Variants in CNTNAP2 observed in about 807,000 individuals in gnomAD.
CNTNAP2 encodes the protein contactin-associated protein-like 2.
CNTNAP2 carries 98 observed loss-of-function variants against 155.2 expected under a neutral mutation model. The ratio of observed to expected loss-of-function variants is 0.63; its 90% CI spans 0.54 to 0.75. The LOEUF (loss-of-function observed/expected upper bound fraction) is 0.75. Ranked by LOEUF, CNTNAP2 falls within the 30% of genes least tolerant of loss-of-function variation. The probability of loss-of-function intolerance (pLI) is 0.00; values close to 1 mark genes in which losing one functional copy is unlikely to be tolerated. For missense variants in CNTNAP2, 1,727 were observed against 1,688.1 expected, an observed-to-expected ratio of 1.02 and a Z score of -0.40; for synonymous variants, 651 against 631.2, an observed-to-expected ratio of 1.03 and a Z score of -0.47.
At chr7:146,513,493 T>C (rs1044177902) in intron 1 of CNTNAP2, among the ~76,000 whole-genome samples, 1 of 151,878 alleles carries the variant, frequency 6.6e-6, no homozygotes, top group African/African-American at 2.4e-5. Flanking sequence ...AAAAATCTTA[T>C]AGCTATATAA....
intron 10 of CNTNAP2, among the ~76,000 whole-genome samples, chr7:147,426,624 A>G (rs1164466530): frequency 6.6e-6 from 1 of 152,188 alleles, no homozygotes; most frequent in African/African-American, 2.4e-5. Flanking sequence ...AATATGTTAA[A>G]AAGTGATGGC....
intron 1 of CNTNAP2, among the ~76,000 whole-genome samples, chr7:146,720,546 A>G (rs1801268336): frequency 6.6e-6 from 1 of 152,094 alleles, no homozygotes; most frequent in Non-Finnish European, 1.5e-5. Flanking sequence ...CATTTTTATT[A>G]AAGAATTATC....
chr7:148,099,460 T>TGTGTGTGTGTGTGTGTG (rs58206492), intron 15 of CNTNAP2, among the ~76,000 whole-genome samples: 4 of 147,876 alleles, frequency 2.7e-5, no homozygotes, highest in African/African-American at 1.0e-4. Flanking sequence ...TGTGTGTGTG[T>TGTGTGTGTGTGTGTGTG]TGGATATGGG....
chr7:146,914,920 A>G (rs1045787732), intron 3 of CNTNAP2, among the ~76,000 whole-genome samples: 5 of 151,976 alleles, frequency 3.3e-5, no homozygotes. Flanking sequence ...GGTTTTCCCA[A>G]TGTTATCTTC....
At chr7:148,059,764 A>ATT (rs1305247777) in intron 15 of CNTNAP2, among the ~76,000 whole-genome samples, 1 of 148,924 alleles carries the variant, frequency 6.7e-6, no homozygotes, top group African/African-American at 2.4e-5. Flanking sequence ...TTATATTTAA[A>ATT]TTATATATAT....
chr7:146,253,686 G>T (rs566680002), intron 1 of CNTNAP2, among the ~76,000 whole-genome samples: 15 of 152,078 alleles, frequency 9.9e-5, no homozygotes, highest in Non-Finnish European at 1.3e-4. Flanking sequence ...CAGATATAAT[G>T]GCCAATAGCA....
intron 3 of CNTNAP2, among the ~76,000 whole-genome samples, chr7:146,918,630 A>G (rs916392744): frequency 6.6e-6 from 1 of 152,216 alleles, no homozygotes; most frequent in South Asian, 2.1e-4. Flanking sequence ...TTTATCTTGA[A>G]TTTAGATAAC....
At chr7:147,908,439 G>A (rs1265163052) in intron 14 of CNTNAP2, among the ~76,000 whole-genome samples, 1 of 152,190 alleles carries the variant, frequency 6.6e-6, no homozygotes, top group Non-Finnish European at 1.5e-5. Flanking sequence ...TGGGGCACCA[G>A]GCAGTCTGGG....
intron 1 of CNTNAP2, among the ~76,000 whole-genome samples, chr7:146,541,192 C>A (rs892195613): frequency 6.6e-6 from 1 of 151,942 alleles, no homozygotes; most frequent in Non-Finnish European, 1.5e-5. Flanking sequence ...GAGAGTGAAA[C>A]AATTGATCCA....
intron 15 of CNTNAP2, among the ~76,000 whole-genome samples, chr7:148,042,282 C>T (rs1802692776): frequency 6.6e-6 from 1 of 152,190 alleles, no homozygotes; most frequent in African/African-American, 2.4e-5. Context: ...ATCTTGCAAA[C>T]CCAAACTCTA....
chr7:146,729,553 G>A (rs1801488352), intron 1 of CNTNAP2, among the ~76,000 whole-genome samples: 1 of 151,748 alleles, frequency 6.6e-6, no homozygotes, highest in African/African-American at 2.4e-5. Context: ...TAGTATAGAT[G>A]AGTAATTTTA....
At chr7:146,502,295 A>ACATTTAG (rs1296964376) in intron 1 of CNTNAP2, among the ~76,000 whole-genome samples, 2 of 139,058 alleles carry the variant, frequency 1.4e-5, no homozygotes, top group Non-Finnish European at 3.1e-5. Flanking sequence ...CTGTTGGTGT[A>ACATTTAG]CATTTAGGTT....
At chr7:146,790,858 C>T (rs1802659556) in intron 2 of CNTNAP2, among the ~76,000 whole-genome samples, 1 of 151,996 alleles carries the variant, frequency 6.6e-6, no homozygotes, top group Non-Finnish European at 1.5e-5. Flanking sequence ...CGTGAGCCAC[C>T]ACGCCTGGCC....
intron 1 of CNTNAP2, among the ~76,000 whole-genome samples, chr7:146,331,983 C>T (rs1211760602): frequency 6.6e-6 from 1 of 151,982 alleles, no homozygotes; most frequent in African/African-American, 2.4e-5. Context: ...TAAAAGTAAT[C>T]TTTAAATTCT....
intron 3 of CNTNAP2, among the ~76,000 whole-genome samples, chr7:146,934,737 A>C (rs11982450): frequency 0.38 from 57,297 of 152,030 alleles, 11,306 homozygotes; most frequent in Middle Eastern, 0.43. Flanking sequence ...TTTTCACTGA[A>C]TCATGACCAA....
chr7:147,778,571 G>C (rs1797621729), intron 13 of CNTNAP2, among the ~76,000 whole-genome samples: 2 of 152,228 alleles, frequency 1.3e-5, no homozygotes, highest in African/African-American at 4.8e-5. Flanking sequence ...AGCACCTGTA[G>C]TTTCATGGAG....
At chr7:147,370,161 A>T (rs1796317439) in intron 9 of CNTNAP2, among the ~76,000 whole-genome samples, 1 of 152,238 alleles carries the variant, frequency 6.6e-6, no homozygotes, top group Admixed American at 6.5e-5. Flanking sequence ...GCGATTTGCT[A>T]CAGATTTTAA....
At chr7:148,298,999 CT>C (rs987913620) in intron 21 of CNTNAP2, among the ~76,000 whole-genome samples, 1 of 141,928 alleles carries the variant, frequency 7.0e-6, no homozygotes, top group Non-Finnish European at 1.6e-5. Context: ...TTTTTTTTTT[CT>C]TTTTTTTTGA....
intron 8 of CNTNAP2, among the ~76,000 whole-genome samples, chr7:147,148,953 C>A (rs1018856841): frequency 6.6e-6 from 1 of 152,192 alleles, no homozygotes; most frequent in Admixed American, 6.5e-5. Context: ...AGCACAGACA[C>A]AAAGAGTGAG....
Sources: gnomAD v4.1 joint callset for allele counts (sites outside exome capture counted in the v4.1 genomes callset) on GRCh38, gnomAD v4.1.1 for gene constraint, MANE v1.5 for transcripts, NCBI Gene and HGNC (gene_info 2026-07-23, HGNC 2026-07-21) for gene names.